SARS1: variants seen among roughly 807,000 people sequenced by gnomAD.
SARS1 encodes the protein serine--tRNA ligase, cytoplasmic.
A neutral mutation model predicts 63.7 loss-of-function variants in SARS1; 25 were observed. The ratio of observed to expected loss-of-function variants is 0.39; its 90% CI spans 0.29 to 0.55. SARS1 has a LOEUF of 0.55. Among genes scored for constraint, SARS1 ranks in the 20% least tolerant of loss-of-function variants. SARS1 has a pLI of 0.62. For synonymous variants in SARS1, 231 were observed against 243.5 expected (o/e 0.95, Z 0.48); for missense variants, 417 against 649.7 (o/e 0.64, Z 3.89).
At chr1:109,228,194 G>A (rs369833448) in intron 2 of SARS1, among the ~76,000 whole-genome samples, 158 bp from the exon 3 acceptor site, 92 of 152,276 alleles carry the variant, frequency 6.0e-4, no homozygotes, top group African/African-American at 2.0e-3. Flanking sequence ...GGCTTCCAGT[G>A]TACTAATTTT....
chr1:109,221,669 T>C (rs895926012), intron 1 of SARS1, among the ~76,000 whole-genome samples: 3 of 152,082 alleles, frequency 2.0e-5, no homozygotes, highest in African/African-American at 4.8e-5. Flanking sequence ...CATAGAGATA[T>C]ACCTAATAAA....
intron 4 of SARS1, among the ~76,000 whole-genome samples, chr1:109,230,492 A>G (rs1655185413): frequency 6.6e-6 from 1 of 152,164 alleles, no homozygotes; most frequent in Non-Finnish European, 1.5e-5. Context: ...GTTTGGAAAG[A>G]TGGAGGTTGT....
intron 2 of SARS1, among the ~76,000 whole-genome samples, chr1:109,226,736 A>ATTTATT (rs1178199247): frequency 1.0e-5 from 1 of 100,252 alleles, no homozygotes; most frequent in Non-Finnish European, 2.0e-5. Flanking sequence ...ACATATATAT[A>ATTTATT]TATTTATTTA....
chr1:109,226,675 A>T (rs867734025), intron 2 of SARS1, among the ~76,000 whole-genome samples: 959 of 32,302 alleles, frequency 0.03, 8 homozygotes, highest in Middle Eastern at 0.1. Flanking sequence ...AAAAAAAAAA[A>T]AAATATATAT....
chr1:109,233,862 ATTTTTTTTT>A (rs1164453054), intron 6 of SARS1, among the ~76,000 whole-genome samples: 18 of 65,992 alleles, frequency 2.7e-4, no homozygotes, highest in African/African-American at 8.3e-4. Context: ...CACCTGGCTA[ATTTTTTTTT>A]TTTTTTTTTT....
Position 109,237,198 on chromosome 1 carries a change from G to A in SARS1, c.1258-46G>A, listed in dbSNP as rs369908712. 59 of 1,587,772 alleles carry A rather than the reference G, an allele frequency of 3.7e-5. No individual in the cohort carries two copies. The Middle Eastern group carries it at 7.0e-4, about 19-fold the overall frequency. On this transcript the variant is annotated intron_variant, in intron 9 of 10. Coordinates refer to ENST00000234677, the MANE Select transcript of SARS1 (RefSeq NM_006513.4). The surrounding 1 kb of genome is among the most constrained non-coding windows in gnomAD (Gnocchi z 4.1). ...TGGTTCCTGGCCGTCAGTAAGACCC[G>A]ATGAGAGTTGAGCCCGACTTCCCCT...
chr1:109,230,340 A>G (rs1655182210), intron 4 of SARS1, among the ~76,000 whole-genome samples: 1 of 152,096 alleles, frequency 6.6e-6, no homozygotes, highest in Admixed American at 6.5e-5. Context: ...CATCATTCCC[A>G]GTTTCATGGC....
At chr1:109,223,866 G>T (rs911582414) in intron 1 of SARS1, 112 bp from the exon 2 acceptor site, 12 of 769,476 alleles carry the variant, frequency 1.6e-5, no homozygotes, top group Non-Finnish European at 2.5e-5. Context: ...CTTCAGCTCT[G>T]CCGGCATTTG....
chr1:109,234,986 T>G (rs1655280130), intron 6 of SARS1, among the ~76,000 whole-genome samples: 1 of 152,100 alleles, frequency 6.6e-6, no homozygotes, highest in African/African-American at 2.4e-5. Flanking sequence ...AAAAGATAAG[T>G]GGAAAATATT....
At position 109,237,002 on chromosome 1, in the gene SARS1, C is replaced by A; in HGVS notation, c.1258-242C>A. 1 of 1,223,700 alleles carries A rather than the reference C, an allele frequency of 8.2e-7. No individual in the cohort carries two copies. The highest frequency in any genetic ancestry group is 1.1e-6 in the Non-Finnish European group (1 of 899,198). The allele number at this position is 1,223,700 out of a possible 1,614,324, so 75.8% of individuals were successfully genotyped here. On this transcript the variant is annotated intron_variant, in intron 9 of 10. Coordinates refer to ENST00000234677, the MANE Select transcript of SARS1 (RefSeq NM_006513.4). The surrounding 1 kb of genome is among the most constrained non-coding windows in gnomAD (Gnocchi z 4.1). ...TCCTTCCCTCAAAGGGCCCAACTCTCAGAATACCAGAAGCTACCACTTGTC... is the reference window on the plus strand; with the variant it reads ...TCCTTCCCTCAAAGGGCCCAACTCTAAGAATACCAGAAGCTACCACTTGTC...
intron 4 of SARS1, among the ~76,000 whole-genome samples, chr1:109,230,003 C>T (rs1395795120): frequency 1.3e-5 from 2 of 152,120 alleles, no homozygotes; most frequent in African/African-American, 2.4e-5. Flanking sequence ...TCCCCGACAC[C>T]CCAGCCGTAG....
intron 1 of SARS1, among the ~76,000 whole-genome samples, chr1:109,223,556 T>C (rs1171219089): frequency 2.0e-5 from 3 of 152,226 alleles, no homozygotes; most frequent in Non-Finnish European, 4.4e-5. Context: ...GCACAGTGGC[T>C]CACGCCTGTA....
At chr1:109,231,859 G>A (rs1655218930) in intron 6 of SARS1, 73 bp downstream of exon 6, 1 of 1,291,484 alleles carries the variant, frequency 7.7e-7, no homozygotes. Context: ...GCAGAGTGGT[G>A]CTGTCCAATA....
chr1:109,224,296 T>C (rs1655020991), intron 2 of SARS1, among the ~76,000 whole-genome samples: 1 of 152,332 alleles, frequency 6.6e-6, no homozygotes, highest in East Asian at 1.9e-4. Flanking sequence ...CTGTTTGTTG[T>C]CTATTCTGTT....
At chr1:109,221,970 GTATATATATATATATA>G (rs773937466) in intron 1 of SARS1, among the ~76,000 whole-genome samples, 4,017 of 27,990 alleles carry the variant, frequency 0.14, 528 homozygotes, top group South Asian at 0.18. Context: ...TTGTGTGTGT[GTATATATATATATATA>G]TATATATATA....
At chr1:109,231,535 C>T in intron 5 of SARS1, 96 bp from the exon 6 acceptor site, 1 of 1,105,400 alleles carries the variant, frequency 9.0e-7, no homozygotes, top group Non-Finnish European at 1.2e-6. Context: ...CTCGGTAGTC[C>T]TGTTCTCTTG....
Position 109,214,527 on chromosome 1 carries a change from G to T in SARS1, c.136+399G>T, listed in dbSNP as rs910484543. 5 of 1,005,894 alleles carry T rather than the reference G, an allele frequency of 5.0e-6. No homozygotes were observed. Among genetic ancestry groups the T allele is most frequent in the African/African-American group, 1.7e-5 (1 of 57,750 alleles). 62.3% of individuals were successfully genotyped at this position (1,005,894 alleles called of 1,614,324 possible). A position where few individuals can be genotyped will look rare whatever the true frequency, so the allele number is the denominator to read the frequency against. ...TCTCATCTTCAGCAAGGCCAGAGTG[G>T]TTTTCCTTTGTTTTGATAGGATCAA... On this transcript the variant is annotated intron_variant, in intron 1 of 10. Coordinates refer to ENST00000234677, the MANE Select transcript of SARS1 (RefSeq NM_006513.4). The surrounding 1 kb of genome is among the most constrained non-coding windows in gnomAD (Gnocchi z 4.6).
chr1:109,220,788 T>C (rs571630394), intron 1 of SARS1, among the ~76,000 whole-genome samples: 2 of 152,284 alleles, frequency 1.3e-5, no homozygotes, highest in Non-Finnish European at 2.9e-5. Flanking sequence ...ACAGAATTTG[T>C]ATTCTGTTTT....
intron 1 of SARS1, among the ~76,000 whole-genome samples, chr1:109,222,486 A>G (rs1054671935): frequency 1.3e-5 from 2 of 152,152 alleles, no homozygotes; most frequent in African/African-American, 4.8e-5. Flanking sequence ...CCTTCTTGCT[A>G]TCTCTTTGTA....
Sources: gnomAD v4.1 joint callset for allele counts (sites outside exome capture counted in the v4.1 genomes callset) on GRCh38, gnomAD v4.1.1 for gene constraint, Gnocchi (gnomAD v3.1) non-coding constraint, MANE v1.5 for transcripts, NCBI Gene and HGNC (gene_info 2026-07-23, HGNC 2026-07-21) for gene names.